The following ATG16L1 variants were observed in gnomAD, a reference collection of about 807,000 sequenced individuals.
ATG16L1 encodes the protein autophagy-related protein 16-1.
In ATG16L1, 37 loss-of-function variants were observed where a neutral mutation model predicts 88.5. The observed-to-expected ratio is 0.42, with a 90% CI of 0.32 to 0.55. ATG16L1 has a LOEUF of 0.55. Ranked by LOEUF, ATG16L1 falls within the 20% of genes least tolerant of loss-of-function variation. The pLI is 0.13. For missense variants in ATG16L1, 554 were observed against 752.8 expected (o/e 0.74, Z 3.09); for synonymous variants, 301 against 281.0 (o/e 1.07, Z -0.71).
chr2:233,288,155 TAC>T (rs1385116583), intron 12 of ATG16L1, among the ~76,000 whole-genome samples: 2 of 152,190 alleles, frequency 1.3e-5, no homozygotes, highest in Non-Finnish European at 2.9e-5. Context: ...TGAGAACTCA[TAC>T]AAGCTTCCCT....
chr2:233,283,353 T>C (rs982347099), intron 12 of ATG16L1, among the ~76,000 whole-genome samples: 1 of 151,652 alleles, frequency 6.6e-6, no homozygotes, highest in African/African-American at 2.4e-5. Flanking sequence ...TTTGCAGACA[T>C]TTTTTTTCCC....
intron 12 of ATG16L1, among the ~76,000 whole-genome samples, chr2:233,286,345 G>A (rs561379637): frequency 1.4e-4 from 22 of 152,274 alleles, no homozygotes; most frequent in Admixed American, 4.6e-4. Context: ...CGGCCTTGAT[G>A]ACATCTAAAC....
chr2:233,266,284 C>T (rs971882818), intron 5 of ATG16L1: 1 of 152,258 alleles, frequency 6.6e-6, no homozygotes, highest in Non-Finnish European at 1.5e-5. Context: ...CATAGTGAGA[C>T]TCCATCTGTA....
At chr2:233,259,983 T>C (rs1446934084) in intron 2 of ATG16L1, among the ~76,000 whole-genome samples, 1 of 152,032 alleles carries the variant, frequency 6.6e-6, no homozygotes, top group Non-Finnish European at 1.5e-5. Context: ...TAAGCCAGAG[T>C]CCCTGCTCTG....
At chr2:233,272,374 G>A (rs1045865752) in intron 6 of ATG16L1, among the ~76,000 whole-genome samples, 16 of 152,156 alleles carry the variant, frequency 1.1e-4, no homozygotes, top group Admixed American at 3.3e-4. Flanking sequence ...CATAAAATGC[G>A]CAGAGTCAAA....
At chr2:233,272,474 G>A (rs761537275) in intron 6 of ATG16L1, among the ~76,000 whole-genome samples, 1 of 152,022 alleles carries the variant, frequency 6.6e-6, no homozygotes, top group Non-Finnish European at 1.5e-5. Flanking sequence ...GGCCCATTTA[G>A]CCATCCCTTC....
chr2:233,262,598 G>T (rs1697294985), intron 2 of ATG16L1, among the ~76,000 whole-genome samples: 1 of 152,146 alleles, frequency 6.6e-6, no homozygotes, highest in Non-Finnish European at 1.5e-5. Context: ...TCCCTCAAGG[G>T]TCCACATGGC....
intron 12 of ATG16L1, among the ~76,000 whole-genome samples, chr2:233,284,810 G>C (rs1345077363): frequency 6.6e-6 from 1 of 152,242 alleles, no homozygotes; most frequent in African/African-American, 2.4e-5. Flanking sequence ...TGGAGGAGCT[G>C]TAGTAGAATG....
chr2:233,285,416 T>C (rs1699009798), intron 12 of ATG16L1, among the ~76,000 whole-genome samples: 1 of 152,164 alleles, frequency 6.6e-6, no homozygotes, highest in African/African-American at 2.4e-5. Context: ...AGCAGGGAGC[T>C]AGACTGACAG....
intron 5 of ATG16L1, among the ~76,000 whole-genome samples, chr2:233,268,519 T>G (rs1697761431): frequency 6.6e-6 from 1 of 152,170 alleles, no homozygotes; most frequent in Non-Finnish European, 1.5e-5. Flanking sequence ...GGTGGTGTTT[T>G]CCTCTCCCTG....
At chr2:233,273,652 G>T in intron 7 of ATG16L1, 69 bp from the exon 8 acceptor site, 3 of 1,442,302 alleles carry the variant, frequency 2.1e-6, no homozygotes, top group Non-Finnish European at 2.9e-6. Flanking sequence ...GTTTTTGTGG[G>T]CTGTTTATTG....
At chr2:233,291,187 T>C (rs1411798381) in intron 14 of ATG16L1, among the ~76,000 whole-genome samples, 1 of 152,136 alleles carries the variant, frequency 6.6e-6, no homozygotes, top group Non-Finnish European at 1.5e-5. Context: ...GTACAGGGCC[T>C]GTGGTGATAG....
intron 2 of ATG16L1, among the ~76,000 whole-genome samples, chr2:233,257,540 CAGT>C (rs1696878971): frequency 6.6e-6 from 1 of 152,152 alleles, no homozygotes; most frequent in Non-Finnish European, 1.5e-5. Context: ...CTATGATACT[CAGT>C]AGGTGAGATG....
intron 10 of ATG16L1, 26 bp from the exon 11 acceptor site, chr2:233,281,079 C>T (rs780407504): frequency 1.1e-5 from 17 of 1,500,184 alleles, no homozygotes; most frequent in Non-Finnish European, 1.5e-5. Flanking sequence ...AACTTCCCAT[C>T]ATCCTAATTT....
intron 12 of ATG16L1, among the ~76,000 whole-genome samples, chr2:233,288,271 T>G (rs948148759): frequency 2.0e-5 from 3 of 152,168 alleles, no homozygotes; most frequent in Admixed American, 2.0e-4. Context: ...TTCAAAAATG[T>G]TAACACAAAA....
intron 5 of ATG16L1, among the ~76,000 whole-genome samples, chr2:233,267,752 G>A (rs1400855686): frequency 1.3e-5 from 2 of 152,240 alleles, no homozygotes; most frequent in Non-Finnish European, 2.9e-5. Flanking sequence ...AGAGGCTGCT[G>A]GAGGGAGAAG....
At chr2:233,281,227 A>G (rs755275490) in intron 11 of ATG16L1, 52 bp downstream of exon 11, 1 of 1,346,000 alleles carries the variant, frequency 7.4e-7, no homozygotes, top group South Asian at 1.4e-5. Context: ...AATTTAAGAC[A>G]TTAGGTTCTT....
chr2:233,284,756 C>T (rs1698968057), intron 12 of ATG16L1, among the ~76,000 whole-genome samples: 1 of 152,232 alleles, frequency 6.6e-6, no homozygotes, highest in African/African-American at 2.4e-5. Flanking sequence ...AGGCATGCAC[C>T]ACCACGCCTG....
At chr2:233,264,160 G>A in intron 4 of ATG16L1, 95 bp downstream of exon 4, 1 of 1,216,508 alleles carries the variant, frequency 8.2e-7, no homozygotes, top group East Asian at 2.4e-5. Context: ...GGCAGTGAGT[G>A]GCCACAGTGC....
Sources: gnomAD v4.1 joint callset for allele counts (sites outside exome capture counted in the v4.1 genomes callset) on GRCh38, gnomAD v4.1.1 for gene constraint, MANE v1.5 for transcripts, NCBI Gene and HGNC (gene_info 2026-07-23, HGNC 2026-07-21) for gene names.